MYSM1: variants seen among roughly 807,000 people sequenced by gnomAD.
MYSM1 encodes the protein Myb like, SWIRM and MPN domains 1.
In MYSM1, 51 loss-of-function variants were observed where a neutral mutation model predicts 116.0. The observed-to-expected ratio is 0.44, with a 90% CI of 0.35 to 0.56. The LOEUF (loss-of-function observed/expected upper bound fraction) is 0.56. MYSM1 is among the 20% of genes least tolerant of loss of function. The pLI is 0.00. For synonymous variants in MYSM1, 313 were observed against 315.2 expected (o/e 0.99, Z 0.07); for missense variants, 900 against 974.9 (o/e 0.92, Z 1.02).
At chr1:58,687,096 A>G (rs1453972638) in intron 6 of MYSM1, among the ~76,000 whole-genome samples, 1 of 152,202 alleles carries the variant, frequency 6.6e-6, no homozygotes, top group Non-Finnish European at 1.5e-5. Context: ...GTACCACCCA[A>G]GTCCCTACTC....
intron 17 of MYSM1, among the ~76,000 whole-genome samples, chr1:58,662,248 G>C (rs780259791): frequency 1.3e-5 from 2 of 151,870 alleles, no homozygotes; most frequent in Non-Finnish European, 2.9e-5. Flanking sequence ...CATCTAGAAA[G>C]GAAAAAATAC....
chr1:58,685,325 TAAAAAA>T (rs5774421), intron 6 of MYSM1, 74 bp from the exon 7 acceptor site: 1 of 610,464 alleles, frequency 1.6e-6, no homozygotes, highest in Non-Finnish European at 2.6e-6. Flanking sequence ...ACTACCACAT[TAAAAAA>T]AAAAAAACTT....
rs1393460906 is a variant in MYSM1, at chr1:58,658,869, G to T, written c.*1128C>A. 1 of 151,182 alleles carries T rather than the reference G, an allele frequency of 6.6e-6. No individual in the cohort carries two copies. The highest frequency in any genetic ancestry group is 6.6e-5 in the Admixed American group (1 of 15,176). The allele number at this position is 151,182 out of a possible 1,614,324, so 9.4% of individuals were successfully genotyped here. A position where few individuals can be genotyped will look rare whatever the true frequency, so the allele number is the denominator to read the frequency against. On this transcript the variant is annotated 3_prime_UTR_variant, in exon 20 of 20. Coordinates refer to ENST00000472487, the MANE Select transcript of MYSM1 (RefSeq NM_001085487.3). ...AAATTCTAATGTTTAAAATTCTCTA[G>T]ATCAAGGGTTGGAGAATAATAGCCA...
chr1:58,669,857 A>AAC (rs1553135838), intron 12 of MYSM1, among the ~76,000 whole-genome samples: 14,451 of 85,286 alleles, frequency 0.17, 3,758 homozygotes, highest in East Asian at 0.31. Context: ...AAAAAAAAAA[A>AAC]AAAAACAAAA....
In MYSM1 at chr1:58,682,693, T is replaced by A. The variant is rs1204112246; in HGVS notation, c.499-148A>T. The stretch of plus-strand genomic sequence containing the variant: ...ACCTCTAATGCGCTTTTCTTTTTTT[T>A]CTTTTCTTTTTTTTTTTTTTGAGAC... On this transcript the variant is annotated intron_variant, in intron 7 of 19. Coordinates refer to ENST00000472487, the MANE Select transcript of MYSM1 (RefSeq NM_001085487.3). 6.6e-4 allele frequency: 203 copies of A among 306,804 alleles called. 5 individuals carry two copies. The South Asian group carries it at 0.01, about 15-fold the overall frequency. The allele number at this position is 306,804 out of a possible 1,614,324, so 19.0% of individuals were successfully genotyped here. A position where few individuals can be genotyped will look rare whatever the true frequency, so the allele number is the denominator to read the frequency against.
chr1:58,699,009 G>T (rs1569821531), intron 1 of MYSM1, among the ~76,000 whole-genome samples: 1 of 152,146 alleles, frequency 6.6e-6, no homozygotes, highest in Admixed American at 6.5e-5. Context: ...CTAAATATTG[G>T]CAATTTCATA....
chr1:58,665,368 A>T lies in MYSM1; in HGVS notation c.2164+131T>A, dbSNP rs1286184157. Reference sequence around the variant, plus strand: ...GTGGCTGCACTAGGGTGGCACCCAAATAATGATTCCCTAGTTGAGGGCACA... The same window carrying T: ...GTGGCTGCACTAGGGTGGCACCCAATTAATGATTCCCTAGTTGAGGGCACA... On this transcript the variant is annotated intron_variant, in intron 17 of 19. Coordinates refer to ENST00000472487, the MANE Select transcript of MYSM1 (RefSeq NM_001085487.3). The T allele has an allele frequency of 4.4e-6, 3 of 688,598 alleles. No individual in the cohort carries two copies. The East Asian group carries it at 8.8e-5, about 20-fold the overall frequency. The allele number at this position is 688,598 out of a possible 1,614,324, so 42.7% of individuals were successfully genotyped here.
chr1:58,680,904 C>T (rs1644731993), intron 8 of MYSM1, among the ~76,000 whole-genome samples: 1 of 152,146 alleles, frequency 6.6e-6, no homozygotes, highest in South Asian at 2.1e-4. Flanking sequence ...TCACTGCAAC[C>T]TCTGCCTCCC....
rs1644567748 is a variant in MYSM1, at chr1:58,671,936, G to C, written c.1595C>G (p.Ala532Gly). ...GCCTTTTTCCTCTTCTCTTCTTTTT[G>C]CCAACTCCTCAGCAGAGAGATGCTA... ...TFEHLSAEEL[A>G]KRREEEKGRP... Residue 532 changes from alanine to glycine, a missense_variant, in exon 12 of 20, where the codon GCA becomes GGA. Around this residue, in one of 3 missense-constraint regions of MYSM1, gnomAD observed 92 missense variants for 155.0 expected, o/e 0.59. Coordinates refer to ENST00000472487, the MANE Select transcript of MYSM1 (RefSeq NM_001085487.3). The C allele has an allele frequency of 6.2e-7, 1 of 1,612,362 alleles. No homozygotes were observed. Among genetic ancestry groups the C allele is most frequent in the African/African-American group, 1.3e-5 (1 of 74,638 alleles).
At chr1:58,673,688 T>C in intron 10 of MYSM1, 38 bp from the exon 11 acceptor site, 4 of 1,539,162 alleles carry the variant, frequency 2.6e-6, no homozygotes, top group Non-Finnish European at 3.6e-6. Flanking sequence ...GGTAGCAAGA[T>C]TAATATGGAG....
intron 8 of MYSM1, among the ~76,000 whole-genome samples, chr1:58,679,188 A>G (rs567518724): frequency 3.7e-4 from 57 of 152,102 alleles, no homozygotes; most frequent in African/African-American, 1.3e-3. Flanking sequence ...TTTTTTTAAC[A>G]CCACCTCCAG....
intron 14 of MYSM1, 159 bp downstream of exon 14, chr1:58,668,473 G>T: frequency 7.4e-7 from 1 of 1,355,194 alleles, no homozygotes; most frequent in Non-Finnish European, 9.5e-7. Flanking sequence ...CAATTGTTTG[G>T]CTTTTCTCCA....
intron 1 of MYSM1, among the ~76,000 whole-genome samples, chr1:58,698,548 A>AG (rs11368794): frequency 0.39 from 59,832 of 151,606 alleles, 11,950 homozygotes; most frequent in Middle Eastern, 0.56. Flanking sequence ...GAAAGAGAAA[A>AG]GGGGAAAAAT....
chr1:58,665,330 G>A lies in MYSM1; in HGVS notation c.2164+169C>T, dbSNP rs185550949. Among the ~76,000 whole-genome samples, 14 of 152,308 alleles carry A rather than the reference G, an allele frequency of 9.2e-5. No homozygotes were observed. The East Asian group carries it at 2.1e-3, about 23-fold the overall frequency. ...GGACTTGAATATAGCAGGAGATTAA[G>A]AAACGGAAGAGGGTGGCTGCACTAG... On this transcript the variant is annotated intron_variant, in intron 17 of 19. Transcript: ENST00000472487.
rs372546212 is a variant in MYSM1 at position 58,668,614 on chromosome 1, A to G, written c.1767+18T>C. On this transcript the variant is annotated intron_variant, in intron 14 of 19. Transcript: ENST00000472487. ...TAGAAATCAGAATAACTAAGTAAAC[A>G]CAATAGATTATCCTTACCAAATCCA... 7.2e-5 allele frequency: 114 copies of G among 1,592,922 alleles called. 1 individual carries two copies. The African/African-American group carries it at 1.5e-3, about 21-fold the overall frequency.
At chr1:58,687,848 C>T (rs1364860464) in intron 6 of MYSM1, among the ~76,000 whole-genome samples, 1 of 152,096 alleles carries the variant, frequency 6.6e-6, no homozygotes, top group Non-Finnish European at 1.5e-5. Flanking sequence ...TAAGCAGCAG[C>T]GGGCTCTGGC....
intron 3 of MYSM1, among the ~76,000 whole-genome samples, chr1:58,690,906 AG>A (rs985142661): frequency 4.6e-5 from 7 of 152,194 alleles, no homozygotes; most frequent in African/African-American, 1.4e-4. Flanking sequence ...GAAGAATCCA[AG>A]GATCTTCTCT....
rs915152533 is a variant in MYSM1 at position 58,656,792 on chromosome 1, C to G, written c.*3205G>C. 1.3e-5 allele frequency: 2 copies of G among 152,116 alleles called. No individual in the cohort carries two copies. The highest frequency in any genetic ancestry group is 4.8e-5 in the African/African-American group (2 of 41,414). 9.4% of individuals were successfully genotyped at this position (152,116 alleles called of 1,614,324 possible). On this transcript the variant is annotated 3_prime_UTR_variant, in exon 20 of 20. Coordinates refer to ENST00000472487, the MANE Select transcript of MYSM1 (RefSeq NM_001085487.3). ...CCAACTTATCCATTAGGCACAGTAC[C>G]TAAGGCCCACAGTTTTTTAGAAGCC...
At position 58,661,476 on chromosome 1, in the gene MYSM1, C is replaced by T. The variant is rs373671298; in HGVS notation, c.2200G>A (p.Glu734Lys). 3.7e-6 allele frequency: 6 copies of T among 1,607,638 alleles called. No individual in the cohort carries two copies. The African/African-American group carries it at 4.0e-5, about 11-fold the overall frequency. The change falls in exon 18 of 20, where the codon GAA becomes AAA. Residue 734 changes from glutamate to lysine, a missense_variant. By Grantham distance (56) the Glu-to-Lys change is moderately conservative. Around this residue, in one of 3 missense-constraint regions of MYSM1, gnomAD observed 186 missense variants for 196.2 expected, o/e 0.95. Transcript: ENST00000472487. ...PYKFEVQQML[E>K]EPQWGLVFEK... ...AATACTAATCCCCACTGAGGTTCTTCTAACATCTGCTGTACTTCAAATTTG... is the reference window on the plus strand; with the variant it reads ...AATACTAATCCCCACTGAGGTTCTTTTAACATCTGCTGTACTTCAAATTTG...
Sources: allele counts gnomAD v4.1 joint callset (sites outside exome capture counted in the v4.1 genomes callset), GRCh38; gene constraint gnomAD v4.1.1; regional missense constraint gnomAD v4.1.1; transcripts MANE v1.5; gene names NCBI Gene and HGNC (gene_info 2026-07-23, HGNC 2026-07-21).